Variants in SEMA6A observed in about 807,000 individuals in gnomAD.
SEMA6A encodes the protein semaphorin-6A.
SEMA6A carries 25 observed loss-of-function variants against 96.8 expected under a neutral mutation model. The observed-to-expected ratio is 0.26, with a 90% confidence interval of 0.19 to 0.36. The LOEUF is 0.36. SEMA6A is among the 10% of genes least tolerant of loss of function. The pLI, the probability that SEMA6A is intolerant of heterozygous loss-of-function variation, is 1.00. For synonymous variants in SEMA6A, 612 were observed against 518.0 expected, an observed-to-expected ratio of 1.18 and a Z score of -2.46; for missense variants, 1,363 against 1,323.1, an observed-to-expected ratio of 1.03 and a Z score of -0.47.
chr5:116,511,354 G>T (rs1580456411), intron 1 of SEMA6A, among the ~76,000 whole-genome samples: 1 of 152,192 alleles, frequency 6.6e-6, no homozygotes, highest in East Asian at 1.9e-4. Context: ...TCTATCAGCG[G>T]TTGGTTGAAT....
rs1759165098 is a variant in SEMA6A at position 116,525,141 on chromosome 5, T to C, written c.-38-20159A>G. Reference sequence around the variant, plus strand: ...TCTGGGTTGTTTAAGAAAATATTTATTCAGCACCTACTGTGTGCCAGGCAT... The same window carrying C: ...TCTGGGTTGTTTAAGAAAATATTTACTCAGCACCTACTGTGTGCCAGGCAT... On this transcript the variant is annotated intron_variant, in intron 1 of 18. Transcript: ENST00000343348. Among the ~76,000 whole-genome samples, 3 of 152,228 alleles carry C rather than the reference T, an allele frequency of 2.0e-5. No individual in the cohort carries two copies. The South Asian group carries it at 6.2e-4, about 32-fold the overall frequency.
intron 10 of SEMA6A, among the ~76,000 whole-genome samples, chr5:116,484,511 T>A (rs918488388): frequency 6.6e-6 from 1 of 151,624 alleles, no homozygotes; most frequent in Non-Finnish European, 1.5e-5. Flanking sequence ...GAGGCAAATA[T>A]AAGAATAATG....
At chr5:116,458,006 A>T (rs145799173) in intron 18 of SEMA6A, among the ~76,000 whole-genome samples, 1 of 152,300 alleles carries the variant, frequency 6.6e-6, no homozygotes, top group Non-Finnish European at 1.5e-5. Flanking sequence ...AGCTATTCTC[A>T]GGAAATTACC....
Position 116,447,323 on chromosome 5 carries a change from C to A in SEMA6A, c.2383G>T (p.Gly795Cys). 6.2e-7 allele frequency: 1 copy of A among 1,613,794 alleles called. No homozygotes were observed. ...NACTKDMPPM[G>C]SPVIPTDLPL... ...AGGTCCGTGGGAATCACAGGGGAGC[C>A]CATGGGGGGCATGTCCTTTGTGCAG... is the stretch of plus-strand genomic sequence containing the variant. Residue 795 changes from glycine (G) to cysteine (C), a missense_variant, in exon 19 of 19, where the codon GGC becomes TGC. Physicochemically the swap from Gly to Cys is radical, Grantham distance 159. Transcript: ENST00000343348.
At chr5:116,480,994 G>T (rs2278263) in intron 11 of SEMA6A, among the ~76,000 whole-genome samples, 27,456 of 152,004 alleles carry the variant, frequency 0.18, 2,624 homozygotes, top group East Asian at 0.27. Flanking sequence ...AACCCATCTT[G>T]TCCAGACACC....
intron 17 of SEMA6A, chr5:116,469,260 T>C (rs1051154450): frequency 2.6e-5 from 4 of 152,226 alleles, no homozygotes; most frequent in Non-Finnish European, 5.9e-5. Flanking sequence ...ATCCAGCTGC[T>C]AAAAGCATGT....
intron 18 of SEMA6A, among the ~76,000 whole-genome samples, chr5:116,454,433 CAACAA>C (rs1754859627): frequency 1.3e-5 from 2 of 152,124 alleles, no homozygotes; most frequent in Non-Finnish European, 2.9e-5. Flanking sequence ...AATCTTACTG[CAACAA>C]AATTCCAGGC....
At chr5:116,547,734 TAAAAAAAAA>T (rs34908253) in intron 1 of SEMA6A, among the ~76,000 whole-genome samples, 1 of 65,554 alleles carries the variant, frequency 1.5e-5, no homozygotes, top group African/African-American at 5.7e-5. Context: ...ATCTGATACT[TAAAAAAAAA>T]AAAAAAAAAA....
intron 1 of SEMA6A, among the ~76,000 whole-genome samples, chr5:116,543,296 A>G (rs1364242912): frequency 6.6e-6 from 1 of 152,228 alleles, no homozygotes; most frequent in Non-Finnish European, 1.5e-5. Context: ...CTGGCCTGTG[A>G]GCAAAGCAAC....
chr5:116,460,849 G>A (rs1177594466), intron 18 of SEMA6A, among the ~76,000 whole-genome samples: 3 of 147,238 alleles, frequency 2.0e-5, no homozygotes, highest in Non-Finnish European at 4.4e-5. Flanking sequence ...GCAGTGGCAC[G>A]ATCTCGGCTG....
intron 1 of SEMA6A, among the ~76,000 whole-genome samples, chr5:116,510,259 T>A (rs1478093338): frequency 2.0e-5 from 3 of 152,178 alleles, no homozygotes; most frequent in Non-Finnish European, 4.4e-5. Flanking sequence ...AGTTGAGTTT[T>A]ACACTAAATC....
chr5:116,461,197 CAA>C (rs1371886986), intron 18 of SEMA6A, among the ~76,000 whole-genome samples: 1 of 152,098 alleles, frequency 6.6e-6, no homozygotes, highest in Non-Finnish European at 1.5e-5. Context: ...ATCTCTAATT[CAA>C]AAGAGTTTTT....
intron 1 of SEMA6A, among the ~76,000 whole-genome samples, chr5:116,526,734 C>T (rs537951345): frequency 6.6e-6 from 1 of 152,232 alleles, no homozygotes; most frequent in African/African-American, 2.4e-5. Flanking sequence ...TTTTAAAGGC[C>T]TTAGTGCTAG....
intron 6 of SEMA6A, among the ~76,000 whole-genome samples, chr5:116,492,867 G>A (rs1757396238): frequency 6.6e-6 from 1 of 152,180 alleles, no homozygotes; most frequent in Non-Finnish European, 1.5e-5. Context: ...GTCCTGATCT[G>A]TTGATAAAAA....
At chr5:116,457,711 C>T (rs1189816328) in intron 18 of SEMA6A, among the ~76,000 whole-genome samples, 1 of 152,118 alleles carries the variant, frequency 6.6e-6, no homozygotes, top group Non-Finnish European at 1.5e-5. Context: ...TTTAATATAT[C>T]CACTACATTT....
At position 116,446,264 on chromosome 5, in the gene SEMA6A, ATGTGTGTGTGTG is replaced by A. The variant is rs16372; in HGVS notation, c.*337_*348del. 240 of 176,386 alleles carry A rather than the reference ATGTGTGTGTGTG, an allele frequency of 1.4e-3. 1 individual carries two copies. The highest frequency in any genetic ancestry group is 6.1e-3 in the African/African-American group (215 of 35,470). The allele number at this position is 176,386 out of a possible 1,614,324, so 10.9% of individuals were successfully genotyped here. A position where few individuals can be genotyped will look rare whatever the true frequency, so the allele number is the denominator to read the frequency against. On this transcript the variant is annotated 3_prime_UTR_variant, in exon 19 of 19. Transcript: ENST00000343348. ...GCGTGTGTGTGTATGTGTTGTGTGC[ATGTGTGTGTGTG>A]TGTGTGTGTGGGGGTGGGGGATGGG...
intron 1 of SEMA6A, among the ~76,000 whole-genome samples, chr5:116,524,812 T>C (rs1354980362): frequency 1.7e-4 from 3 of 18,120 alleles, no homozygotes; most frequent in East Asian, 0.071. Flanking sequence ...ACACAATTTT[T>C]AGAGCTTATT....
chr5:116,455,179 C>T (rs935618741), intron 18 of SEMA6A, among the ~76,000 whole-genome samples: 1 of 152,140 alleles, frequency 6.6e-6, no homozygotes, highest in Non-Finnish European at 1.5e-5. Flanking sequence ...GCTGGGAACG[C>T]TCAGTTCACT....
chr5:116,502,485 T>C (rs1757932524), intron 2 of SEMA6A, 158 bp from the exon 3 acceptor site: 3 of 613,492 alleles, frequency 4.9e-6, no homozygotes, highest in South Asian at 3.9e-5. Flanking sequence ...TTTTAGGAAA[T>C]ATGATAGAAG....
Sources: gnomAD v4.1 joint callset for allele counts (sites outside exome capture counted in the v4.1 genomes callset) on GRCh38, gnomAD v4.1.1 for gene constraint, MANE v1.5 for transcripts, NCBI Gene and HGNC (gene_info 2026-07-23, HGNC 2026-07-21) for gene names.